Variants in CBFB observed in about 807,000 individuals in gnomAD.
CBFB encodes core-binding factor subunit beta.
Under a neutral mutation model 30.4 loss-of-function variants are expected in CBFB, and 9 were observed. The observed-to-expected ratio is 0.30, with a 90% confidence interval of 0.18 to 0.52. CBFB has a LOEUF of 0.52. CBFB is among the 20% of genes least tolerant of loss of function. CBFB has a pLI of 0.97. For synonymous variants in CBFB, 94 were observed against 84.0 expected, an observed-to-expected ratio of 1.12 and a Z score of -0.65; for missense variants, 170 against 244.0, an observed-to-expected ratio of 0.70 and a Z score of 2.02.
At chr16:67,036,390 C>T (rs1966440496) in intron 2 of CBFB, 1 of 397,276 alleles carries the variant, frequency 2.5e-6, no homozygotes. Context: ...CAAAAAATGA[C>T]CTGAAAGAAA....
chr16:67,095,139 G>T (rs1287548191), intron 5 of CBFB, among the ~76,000 whole-genome samples: 3 of 149,678 alleles, frequency 2.0e-5, no homozygotes, highest in African/African-American at 7.5e-5. Flanking sequence ...GAACCTGGGA[G>T]GCTGAAGTTA....
rs765596909 is a variant in CBFB at position 67,084,107 on chromosome 16, C to T, written c.495+1799C>T. Among the ~76,000 whole-genome samples the T allele has an allele frequency of 8.4e-5, 11 of 131,184 alleles. No individual in the cohort carries two copies. The South Asian group carries it at 1.6e-3, about 19-fold the overall frequency. The allele number at this position is 131,184 out of a possible 152,430, so 86.1% of individuals were successfully genotyped here. A position where few individuals can be genotyped will look rare whatever the true frequency, so the allele number is the denominator to read the frequency against. The stretch of plus-strand genomic sequence containing the variant: ...GCTTGAGCCTAGGCGCTTAAGGCTG[C>T]AGGAGCTATGATCGTGCCACTGTAC... On this transcript the variant is annotated intron_variant, in intron 5 of 5. Coordinates refer to ENST00000412916, the MANE Select transcript of CBFB (RefSeq NM_022845.3).
intron 3 of CBFB, among the ~76,000 whole-genome samples, chr16:67,041,689 C>T (rs756715862): frequency 6.7e-6 from 1 of 149,544 alleles, no homozygotes; most frequent in Non-Finnish European, 1.5e-5. Context: ...CTGGCTGGAA[C>T]AATTTTGAAC....
intron 3 of CBFB, among the ~76,000 whole-genome samples, chr16:67,064,367 C>T (rs983276321): frequency 4.6e-5 from 7 of 152,112 alleles, no homozygotes; most frequent in Non-Finnish European, 8.8e-5. Flanking sequence ...CCACCATGCC[C>T]AGCTAATTTT....
Position 67,067,602 on chromosome 16 carries a change from C to A in CBFB, c.399+804C>A, listed in dbSNP as rs142645924. Among the ~76,000 whole-genome samples, 618 of 152,274 alleles carry A rather than the reference C, an allele frequency of 4.1e-3. 5 individuals are homozygous for A. The highest frequency in any genetic ancestry group is 0.019 in the South Asian group (91 of 4,826). ...CAGTAAGATCAGTGACAGTCTGTGT[C>A]ATTTTAGTCAGGAGCTGCTCCCATT... On this transcript the variant is annotated intron_variant, in intron 4 of 5. Coordinates refer to ENST00000412916, the MANE Select transcript of CBFB (RefSeq NM_022845.3).
chr16:67,088,357 ATTATCT>A (rs1183367194), intron 5 of CBFB, among the ~76,000 whole-genome samples: 1 of 152,130 alleles, frequency 6.6e-6, no homozygotes, highest in Non-Finnish European at 1.5e-5. Flanking sequence ...TGTGATTCAG[ATTATCT>A]TTAGAGATTC....
At chr16:67,076,159 G>C (rs1961390249) in intron 4 of CBFB, among the ~76,000 whole-genome samples, 1 of 152,166 alleles carries the variant, frequency 6.6e-6, no homozygotes, top group Non-Finnish European at 1.5e-5. Flanking sequence ...GGACCCGGGA[G>C]GCAGAGGTTG....
intron 3 of CBFB, among the ~76,000 whole-genome samples, chr16:67,051,366 A>G (rs1966736186): frequency 6.6e-6 from 1 of 152,172 alleles, no homozygotes; most frequent in Non-Finnish European, 1.5e-5. Context: ...CTGGTATGAA[A>G]AACAAAAATA....
intron 4 of CBFB, among the ~76,000 whole-genome samples, chr16:67,070,659 G>A (rs1477703819): frequency 6.6e-6 from 1 of 151,810 alleles, no homozygotes; most frequent in East Asian, 1.9e-4. Flanking sequence ...AGACCAACCT[G>A]GGCAATGTGG....
rs944499693 is a variant in CBFB, at chr16:67,100,623, A to G, written c.*1845A>G. On this transcript the variant is annotated 3_prime_UTR_variant, in exon 6 of 6. Coordinates refer to ENST00000412916, the MANE Select transcript of CBFB (RefSeq NM_022845.3). ...TTATTACAGAGCTCCTTGGTTTTTTACTTCTGCACTTAAATTTTTTTAAAT... is the reference window on the plus strand; with the variant it reads ...TTATTACAGAGCTCCTTGGTTTTTTGCTTCTGCACTTAAATTTTTTTAAAT... 4.5e-6 allele frequency: 1 copy of G among 222,664 alleles called. No homozygotes were observed. 13.8% of individuals were successfully genotyped at this position (222,664 alleles called of 1,614,324 possible).
chr16:67,090,716 T>G (rs1460314954), intron 5 of CBFB, among the ~76,000 whole-genome samples: 1 of 152,216 alleles, frequency 6.6e-6, no homozygotes, highest in Non-Finnish European at 1.5e-5. Context: ...TACATTTGGT[T>G]AGATTATAAA....
Position 67,098,816 on chromosome 16 carries a change from T to C in CBFB, c.*38T>C. ...CAGATGTGTGCTGCCCATCTTTACA[T>C]ACACATTGCTTCTAGTTGGCAGAAA... is the stretch of plus-strand genomic sequence containing the variant. On this transcript the variant is annotated 3_prime_UTR_variant, in exon 6 of 6. Transcript: ENST00000412916. 8.8e-7 allele frequency: 1 copy of C among 1,132,736 alleles called. No individual in the cohort carries two copies. 70.2% of individuals were successfully genotyped at this position (1,132,736 alleles called of 1,614,324 possible). A position where few individuals can be genotyped will look rare whatever the true frequency, so the allele number is the denominator to read the frequency against.
intron 5 of CBFB, chr16:67,093,744 G>T (rs1188780215): frequency 6.6e-6 from 1 of 152,126 alleles, no homozygotes; most frequent in East Asian, 1.9e-4. Context: ...TGAAATAACT[G>T]TTACTAAAAG....
chr16:67,046,464 A>G (rs1966629115), intron 3 of CBFB, among the ~76,000 whole-genome samples: 1 of 152,040 alleles, frequency 6.6e-6, no homozygotes, highest in African/African-American at 2.4e-5. Context: ...GAAGATGTTA[A>G]TTTCTTTGTA....
chr16:67,040,290 T>C (rs1231035792), intron 3 of CBFB, among the ~76,000 whole-genome samples: 1 of 152,262 alleles, frequency 6.6e-6, no homozygotes. Context: ...CAAATCAGTG[T>C]CTTCTTCCAT....
rs762363762 is a variant in CBFB at position 67,099,941 on chromosome 16, CATTA to C, written c.*1167_*1170del. 31 of 209,564 alleles carry C rather than the reference CATTA, an allele frequency of 1.5e-4. No individual in the cohort carries two copies. Among genetic ancestry groups the C allele is most frequent in the Admixed American group, 3.5e-4 (6 of 16,940 alleles). 13.0% of individuals were successfully genotyped at this position (209,564 alleles called of 1,614,324 possible). On this transcript the variant is annotated 3_prime_UTR_variant, in exon 6 of 6. Transcript: ENST00000412916. ...TCTGTGCAGAGGATGCATTTTCTTC[CATTA>C]ATTCTGGAAAAAACGTTCACAGTTA...
At chr16:67,032,053 C>G (rs962109740) in intron 2 of CBFB, among the ~76,000 whole-genome samples, 1 of 152,112 alleles carries the variant, frequency 6.6e-6, no homozygotes, top group African/African-American at 2.4e-5. Context: ...TTTGGTGAAT[C>G]ATAGCTAGTA....
intron 4 of CBFB, among the ~76,000 whole-genome samples, chr16:67,080,158 G>A (rs142728145): frequency 1.3e-5 from 2 of 152,282 alleles, no homozygotes; most frequent in Non-Finnish European, 2.9e-5. Context: ...AGCATCCTGG[G>A]CTGTACACAG....
At position 67,029,461 on chromosome 16, in the gene CBFB, T is replaced by C. The variant is rs1347235614; in HGVS notation, c.54T>C (p.Phe18=). ...QRSKFENEEF[F]RKLSRECEIK... ...GCAAGTTCGAGAACGAGGAGTTTTTTAGGAAGCTGAGCCGCGAGTGTGAGG... is the reference window on the plus strand; with the variant it reads ...GCAAGTTCGAGAACGAGGAGTTTTTCAGGAAGCTGAGCCGCGAGTGTGAGG... Residue 18 remains phenylalanine, a synonymous_variant, in exon 1 of 6, where the codon TTT becomes TTC. Coordinates refer to ENST00000412916, the MANE Select transcript of CBFB (RefSeq NM_022845.3). 1.3e-6 allele frequency: 2 copies of C among 1,591,514 alleles called. No homozygotes were observed. The highest frequency in any genetic ancestry group is 1.1e-5 in the South Asian group (1 of 88,266).
Sources: gnomAD v4.1 joint callset for allele counts (sites outside exome capture counted in the v4.1 genomes callset) on GRCh38, gnomAD v4.1.1 for gene constraint, MANE v1.5 for transcripts, NCBI Gene and HGNC (gene_info 2026-07-23, HGNC 2026-07-21) for gene names.